GTF2A1: variants seen among roughly 807,000 people sequenced by gnomAD.
The protein encoded by GTF2A1 is general transcription factor IIA subunit 1.
GTF2A1 carries 12 observed loss-of-function variants against 54.1 expected under a neutral mutation model. That is an observed-to-expected ratio of 0.22 (90% CI 0.14 to 0.36). GTF2A1 has a LOEUF of 0.36. GTF2A1 is among the 10% of genes least tolerant of loss of function. The pLI is 1.00. For synonymous variants in GTF2A1, 145 were observed against 152.0 expected (o/e 0.95, Z 0.34); for missense variants, 335 against 442.2 (o/e 0.76, Z 2.17).
At chr14:81,204,588 G>A (rs546430563) in intron 2 of GTF2A1, among the ~76,000 whole-genome samples, 1 of 152,088 alleles carries the variant, frequency 6.6e-6, no homozygotes, top group Non-Finnish European at 1.5e-5. Context: ...ATACATAGAT[G>A]CAATCCCCCA....
intron 4 of GTF2A1, 108 bp from the exon 5 acceptor site, chr14:81,197,592 T>C (rs1408484572): frequency 6.4e-6 from 4 of 622,290 alleles, no homozygotes; most frequent in Non-Finnish European, 8.3e-6. Context: ...TATACCAAAA[T>C]TTAAAAAATC....
At chr14:81,187,354 C>CAAA (rs112765325) in intron 7 of GTF2A1, among the ~76,000 whole-genome samples, 2 of 103,710 alleles carry the variant, frequency 1.9e-5, no homozygotes, top group African/African-American at 3.1e-5. Flanking sequence ...AACTCCGTCT[C>CAAA]AAAAAAAAAA....
At chr14:81,221,060 G>C (rs1283186041), upstream of GTF2A1, 1 of 153,140 alleles carries the variant, frequency 6.5e-6, no homozygotes, top group African/African-American at 2.4e-5. Context: ...CGCCGGGGCG[G>C]AGGCCGCCGG....
chr14:81,193,244 G>A (rs1370187205), intron 6 of GTF2A1, among the ~76,000 whole-genome samples: 1 of 149,710 alleles, frequency 6.7e-6, no homozygotes, highest in Non-Finnish European at 1.5e-5. Flanking sequence ...TCGGCTCACT[G>A]CAACCCCTGC....
chr14:81,215,401 T>C (rs1378829800), intron 2 of GTF2A1, among the ~76,000 whole-genome samples: 2 of 152,176 alleles, frequency 1.3e-5, no homozygotes, highest in Non-Finnish European at 2.9e-5. Context: ...GACTTAAGCA[T>C]TTAGTCAACC....
chr14:81,207,253 C>T (rs1893257392), intron 2 of GTF2A1, among the ~76,000 whole-genome samples: 1 of 152,044 alleles, frequency 6.6e-6, no homozygotes, highest in African/African-American at 2.4e-5. Flanking sequence ...CCAGAATTCC[C>T]ATGTGCTGTG....
At position 81,179,171 on chromosome 14, in the gene GTF2A1, A is replaced by T. The variant is rs558936169; in HGVS notation, c.*1052T>A. The stretch of plus-strand genomic sequence containing the variant: ...TTAAAAACTTGTTGAATTAGAATAG[A>T]TTTTTAAAATTCTTTACTAGTAAAC... On this transcript the variant is annotated 3_prime_UTR_variant, in exon 9 of 9. Transcript: ENST00000553612. 6.6e-6 allele frequency: 1 copy of T among 152,196 alleles called. No individual in the cohort carries two copies. Among genetic ancestry groups the T allele is most frequent in the Non-Finnish European group, 1.5e-5 (1 of 68,028 alleles). 9.4% of individuals were successfully genotyped at this position (152,196 alleles called of 1,614,324 possible).
At position 81,179,638 on chromosome 14, in the gene GTF2A1, T is replaced by C. The variant is rs1892598409; in HGVS notation, c.*585A>G. The C allele has an allele frequency of 6.6e-6, 1 of 152,196 alleles. No homozygotes were observed. The highest frequency in any genetic ancestry group is 1.5e-5 in the Non-Finnish European group (1 of 68,018). The allele number at this position is 152,196 out of a possible 1,614,324, so 9.4% of individuals were successfully genotyped here. A position where few individuals can be genotyped will look rare whatever the true frequency, so the allele number is the denominator to read the frequency against. On this transcript the variant is annotated 3_prime_UTR_variant, in exon 9 of 9. Transcript: ENST00000553612. ...ATCACTGATAACTTTAAATCTTAAA[T>C]AGATGTTTCATAAAGCTGGAAAGGA...
chr14:81,205,701 C>A (rs991774768), intron 2 of GTF2A1, among the ~76,000 whole-genome samples: 1 of 152,156 alleles, frequency 6.6e-6, no homozygotes, highest in African/African-American at 2.4e-5. Flanking sequence ...AAAAGGGGAA[C>A]CAACTGAATA....
intron 1 of GTF2A1, among the ~76,000 whole-genome samples, chr14:81,219,725 CTACG>C (rs1369192110): frequency 6.6e-6 from 1 of 152,146 alleles, no homozygotes; most frequent in Non-Finnish European, 1.5e-5. Context: ...TTTTGCAAAC[CTACG>C]TGATCGCAAG....
At chr14:81,212,919 C>T (rs1893405375) in intron 2 of GTF2A1, among the ~76,000 whole-genome samples, 1 of 152,204 alleles carries the variant, frequency 6.6e-6, no homozygotes, top group Non-Finnish European at 1.5e-5. Flanking sequence ...ACAATGCTGG[C>T]TGTCCAGCTG....
At chr14:81,191,062 C>T (rs1165183132) in intron 7 of GTF2A1, among the ~76,000 whole-genome samples, 2 of 152,190 alleles carry the variant, frequency 1.3e-5, no homozygotes, top group South Asian at 2.1e-4. Context: ...CACTTCTATA[C>T]AAAACACAAA....
intron 1 of GTF2A1, among the ~76,000 whole-genome samples, chr14:81,216,907 A>G (rs1893500291): frequency 6.6e-6 from 1 of 152,168 alleles, no homozygotes; most frequent in Non-Finnish European, 1.5e-5. Context: ...TAGACTTTGG[A>G]GAATCTTATG....
chr14:81,216,390 T>C, intron 2 of GTF2A1, 23 bp downstream of exon 2: 1 of 1,012,026 alleles, frequency 9.9e-7, no homozygotes, highest in Non-Finnish European at 1.5e-6. Flanking sequence ...AGTAGGAATA[T>C]TTTAAAAAAA....
rs1566847774 is a variant in GTF2A1, at chr14:81,177,349, G to A, written c.*2874C>T. On this transcript the variant is annotated 3_prime_UTR_variant, in exon 9 of 9. Transcript: ENST00000553612. ...CTCACATAACAGACATTTTACTCTA[G>A]AAATTAATTGCACATTAAAGAGTTG... 2 of 152,082 alleles carry A rather than the reference G, an allele frequency of 1.3e-5. No homozygotes were observed. The highest frequency in any genetic ancestry group is 2.9e-5 in the Non-Finnish European group (2 of 67,960). 9.4% of individuals were successfully genotyped at this position (152,082 alleles called of 1,614,324 possible).
chr14:81,210,098 C>T (rs1488626828), intron 2 of GTF2A1, among the ~76,000 whole-genome samples: 1 of 140,308 alleles, frequency 7.1e-6, no homozygotes, highest in Non-Finnish European at 1.6e-5. Flanking sequence ...CTAATAAATG[C>T]GAAAAATCCT....
At chr14:81,202,839 A>G (rs1408400724) in intron 3 of GTF2A1, 4 of 499,564 alleles carry the variant, frequency 8.0e-6, no homozygotes, top group African/African-American at 7.9e-5. Flanking sequence ...TCATCAAAAA[A>G]GAATAAAAGG....
At chr14:81,189,761 C>T (rs1364040145) in intron 7 of GTF2A1, among the ~76,000 whole-genome samples, 1 of 152,064 alleles carries the variant, frequency 6.6e-6, no homozygotes, top group Non-Finnish European at 1.5e-5. Context: ...CTAACAGACA[C>T]ATACAAATAC....
At chr14:81,198,699 A>G (rs1893041952) in intron 4 of GTF2A1, among the ~76,000 whole-genome samples, 1 of 152,162 alleles carries the variant, frequency 6.6e-6, no homozygotes, top group African/African-American at 2.4e-5. Context: ...TTCTTTAGCT[A>G]CCAACCATTC....
Sources: gnomAD v4.1 joint callset for allele counts (sites outside exome capture counted in the v4.1 genomes callset) on GRCh38, gnomAD v4.1.1 for gene constraint, MANE v1.5 for transcripts, NCBI Gene and HGNC (gene_info 2026-07-23, HGNC 2026-07-21) for gene names.